SPAST: variants seen among roughly 807,000 people sequenced by gnomAD.
SPAST encodes spastin.
In SPAST, 30 loss-of-function variants were observed where a neutral mutation model predicts 76.6. The ratio of observed to expected loss-of-function variants is 0.39; its 90% CI spans 0.29 to 0.53. The LOEUF (loss-of-function observed/expected upper bound fraction) is 0.53. Among genes scored for constraint, SPAST ranks in the 20% least tolerant of loss-of-function variants. The pLI, the probability that SPAST is intolerant of heterozygous loss-of-function variation, is 0.68. For missense variants in SPAST, 717 were observed against 770.5 expected (o/e 0.93, Z 0.82); for synonymous variants, 305 against 281.0 (o/e 1.09, Z -0.86).
intron 9 of SPAST, among the ~76,000 whole-genome samples, chr2:32,134,567 G>C (rs1017678151): frequency 1.3e-5 from 2 of 152,124 alleles, no homozygotes; most frequent in African/African-American, 4.8e-5. Context: ...GCCTCCCAAA[G>C]TGCTAGGATC....
Position 32,109,949 on chromosome 2 carries a change from CATATGT to C in SPAST, c.683-4672_683-4667del, listed in dbSNP as rs1231130303. Among the ~76,000 whole-genome samples, 474 of 128,038 alleles carry C rather than the reference CATATGT, an allele frequency of 3.7e-3. 8 individuals are homozygous for C. The highest frequency in any genetic ancestry group is 0.013 in the African/African-American group (444 of 35,006). 84.0% of individuals were successfully genotyped at this position (128,038 alleles called of 152,430 possible). A position where few individuals can be genotyped will look rare whatever the true frequency, so the allele number is the denominator to read the frequency against. On this transcript the variant is annotated intron_variant, in intron 4 of 16. Transcript: ENST00000315285. ...GTATATGCATATACATATATAGTTA[CATATGT>C]ATATGTATATGTATATACATATATA...
At chr2:32,141,457 T>C (rs900654404) in intron 12 of SPAST, among the ~76,000 whole-genome samples, 1 of 152,240 alleles carries the variant, frequency 6.6e-6, no homozygotes, top group Non-Finnish European at 1.5e-5. Flanking sequence ...GTCCATGATC[T>C]TTAGCGGCAG....
At chr2:32,103,098 G>C (rs1490213803) in intron 4 of SPAST, among the ~76,000 whole-genome samples, 1 of 152,138 alleles carries the variant, frequency 6.6e-6, no homozygotes, top group Non-Finnish European at 1.5e-5. Flanking sequence ...TCTGGTCCTG[G>C]ACTTTTTTTG....
intron 3 of SPAST, among the ~76,000 whole-genome samples, chr2:32,096,882 A>G (rs2148716040): frequency 6.8e-6 from 1 of 148,142 alleles, no homozygotes; most frequent in South Asian, 2.1e-4. Context: ...TGTTAGCTCA[A>G]AAAAAAAAAA....
chr2:32,074,917 A>G (rs1035937754), intron 1 of SPAST, among the ~76,000 whole-genome samples: 3 of 152,120 alleles, frequency 2.0e-5, no homozygotes, highest in Admixed American at 2.0e-4. Flanking sequence ...TTACTTAACT[A>G]TGTATGCTGA....
chr2:32,093,329 A>G (rs1345277656), intron 3 of SPAST, among the ~76,000 whole-genome samples: 3 of 151,046 alleles, frequency 2.0e-5, no homozygotes, highest in African/African-American at 7.3e-5. Context: ...AAAAAAAAAA[A>G]AAAATAGCCG....
At chr2:32,147,617 GTTTT>G (rs1415403733) in intron 16 of SPAST, among the ~76,000 whole-genome samples, 2 of 117,774 alleles carry the variant, frequency 1.7e-5, no homozygotes, top group Non-Finnish European at 3.6e-5. Flanking sequence ...GCATCTGGCT[GTTTT>G]GTTTGTTTGT....
At chr2:32,120,571 T>A (rs897250810) in intron 7 of SPAST, among the ~76,000 whole-genome samples, 40 of 130,146 alleles carry the variant, frequency 3.1e-4, no homozygotes, top group African/African-American at 1.1e-3. Flanking sequence ...TTAACTCAGG[T>A]CTTTTTTTTT....
chr2:32,101,836 C>G (rs1319116820), intron 4 of SPAST, among the ~76,000 whole-genome samples: 1 of 152,092 alleles, frequency 6.6e-6, no homozygotes, highest in African/African-American at 2.4e-5. Context: ...TGGTCTATAT[C>G]TCTGTTTTGG....
At chr2:32,105,099 TA>T (rs1218448383) in intron 4 of SPAST, among the ~76,000 whole-genome samples, 14 of 152,218 alleles carry the variant, frequency 9.2e-5, no homozygotes, top group Non-Finnish European at 1.9e-4. Flanking sequence ...CCGTCAGACA[TA>T]GATTTGGTCT....
intron 1 of SPAST, among the ~76,000 whole-genome samples, chr2:32,081,343 C>T (rs1677214906): frequency 6.6e-6 from 1 of 152,128 alleles, no homozygotes; most frequent in Non-Finnish European, 1.5e-5. Context: ...ATTCACCTGC[C>T]TCAGCCTCCC....
chr2:32,125,614 G>C (rs2148743455), intron 7 of SPAST, among the ~76,000 whole-genome samples: 1 of 152,168 alleles, frequency 6.6e-6, no homozygotes, highest in South Asian at 2.1e-4. Context: ...TAGGTGAGAT[G>C]TTTTCAGTCT....
rs1553398791 is a variant in SPAST at position 32,083,776 on chromosome 2, A to ATAT, written c.416-3715_416-3714insATT. On this transcript the variant is annotated intron_variant, in intron 1 of 16. Transcript: ENST00000315285. ...TATATATATATATATATATATATAT[A>ATAT]TTTTTTTTTTTTTTTGAGATGAAGT... 4.5e-3 allele frequency among the ~76,000 whole-genome samples: 209 copies of ATAT among 46,068 alleles called. 2 individuals are homozygous for ATAT. Among genetic ancestry groups the ATAT allele is most frequent in the Non-Finnish European group, 5.6e-3 (151 of 26,752 alleles). 30.2% of individuals were successfully genotyped at this position (46,068 alleles called of 152,430 possible). A position where few individuals can be genotyped will look rare whatever the true frequency, so the allele number is the denominator to read the frequency against.
intron 4 of SPAST, among the ~76,000 whole-genome samples, chr2:32,104,360 G>A (rs1303228900): frequency 6.6e-6 from 1 of 152,098 alleles, no homozygotes; most frequent in Non-Finnish European, 1.5e-5. Flanking sequence ...CACGTGAGAT[G>A]GGTTTCCTGA....
chr2:32,108,193 A>C (rs1201781818), intron 4 of SPAST, among the ~76,000 whole-genome samples: 2 of 152,184 alleles, frequency 1.3e-5, no homozygotes, highest in Non-Finnish European at 2.9e-5. Context: ...TAGATGATAT[A>C]AACTAGACAA....
chr2:32,138,919 C>T (rs1409172090), intron 12 of SPAST, among the ~76,000 whole-genome samples: 1 of 152,078 alleles, frequency 6.6e-6, no homozygotes, highest in Non-Finnish European at 1.5e-5. Context: ...AATAGGGAGT[C>T]CTTTTCCTCA....
At chr2:32,086,682 C>T (rs1345091651) in intron 1 of SPAST, among the ~76,000 whole-genome samples, 3 of 151,344 alleles carry the variant, frequency 2.0e-5, no homozygotes, top group Admixed American at 6.6e-5. Flanking sequence ...CGCTTGAACC[C>T]GGGAGGGGGA....
intron 3 of SPAST, among the ~76,000 whole-genome samples, chr2:32,096,286 T>C (rs1349976991): frequency 6.6e-6 from 1 of 152,030 alleles, no homozygotes; most frequent in African/African-American, 2.4e-5. Flanking sequence ...ATTACAAAAA[T>C]TAGCTGGGCA....
chr2:32,104,518 C>A (rs1039546576), intron 4 of SPAST, among the ~76,000 whole-genome samples: 1 of 152,108 alleles, frequency 6.6e-6, no homozygotes, highest in Non-Finnish European at 1.5e-5. Flanking sequence ...TTATTTTGCT[C>A]GTTAGTTGAT....
Sources: gnomAD v4.1 joint callset for allele counts (sites outside exome capture counted in the v4.1 genomes callset) on GRCh38, gnomAD v4.1.1 for gene constraint, MANE v1.5 for transcripts, NCBI Gene and HGNC (gene_info 2026-07-23, HGNC 2026-07-21) for gene names.